Variants in PPP3R1 observed in about 807,000 individuals in gnomAD.
PPP3R1 encodes the protein protein phosphatase 3 regulatory subunit B, alpha.
In PPP3R1, 5 loss-of-function variants were observed where a neutral mutation model predicts 22.6. That is an observed-to-expected ratio of 0.22 (90% confidence interval 0.12 to 0.46). The LOEUF (loss-of-function observed/expected upper bound fraction) is 0.46. Ranked by LOEUF, PPP3R1 falls within the 20% of genes least tolerant of loss-of-function variation. PPP3R1 has a pLI of 0.99. For synonymous variants in PPP3R1, 56 were observed against 65.2 expected (o/e 0.86, Z 0.68); for missense variants, 61 against 203.2 (o/e 0.30, Z 4.25).
chr2:68,243,067 C>G (rs1252623045), intron 1 of PPP3R1, among the ~76,000 whole-genome samples: 1 of 152,004 alleles, frequency 6.6e-6, no homozygotes, highest in African/African-American at 2.4e-5. Flanking sequence ...TTTTGGGATA[C>G]CAACAGGGCT....
intron 2 of PPP3R1, among the ~76,000 whole-genome samples, chr2:68,214,483 C>T (rs1250920133): frequency 1.3e-5 from 2 of 152,146 alleles, no homozygotes; most frequent in African/African-American, 2.4e-5. Context: ...CGAACAGACA[C>T]TTTTCAAAAG....
chr2:68,234,684 C>T (rs562844276), intron 1 of PPP3R1, among the ~76,000 whole-genome samples: 1 of 152,188 alleles, frequency 6.6e-6, no homozygotes, highest in African/African-American at 2.4e-5. Context: ...GGATGAAAAA[C>T]GTGAAATACT....
Position 68,191,043 on chromosome 2 carries a change from T to C in PPP3R1, c.44-2353A>G, listed in dbSNP as rs1403982225. On this transcript the variant is annotated intron_variant, in intron 2 of 5. Transcript: ENST00000234310. ...CTATCCATATTTTTCCCAGATGTGA[T>C]TTCATGGCATCTGAGGTTTTCTAGA... is the stretch of plus-strand genomic sequence containing the variant. Among the ~76,000 whole-genome samples, 7 of 152,366 alleles carry C rather than the reference T, an allele frequency of 4.6e-5. No homozygotes were observed. The East Asian group carries it at 1.2e-3, about 25-fold the overall frequency.
In PPP3R1 at chr2:68,180,883, G is replaced by T; in HGVS notation, c.*80C>A. On this transcript the variant is annotated 3_prime_UTR_variant, in exon 6 of 6. Coordinates refer to ENST00000234310, the MANE Select transcript of PPP3R1 (RefSeq NM_000945.4). ...AAATACTTCCATTTAAATACACAGA[G>T]AGCATTGCTGGACGTCTTGAGCAGA... The T allele has an allele frequency of 7.3e-7, 1 of 1,368,922 alleles. No individual in the cohort carries two copies. Among genetic ancestry groups the T allele is most frequent in the Non-Finnish European group, 1.0e-6 (1 of 967,616 alleles). 84.8% of individuals were successfully genotyped at this position (1,368,922 alleles called of 1,614,324 possible).
At chr2:68,219,710 T>A (rs911725231) in intron 1 of PPP3R1, among the ~76,000 whole-genome samples, 3 of 152,180 alleles carry the variant, frequency 2.0e-5, no homozygotes, top group African/African-American at 4.8e-5. Flanking sequence ...ATAGATACTG[T>A]GAGAGACATA....
rs1222182374 is a variant in PPP3R1, at chr2:68,179,665, C to T, written c.*1298G>A. 1 of 152,092 alleles carries T rather than the reference C, an allele frequency of 6.6e-6. No homozygotes were observed. The highest frequency in any genetic ancestry group is 1.5e-5 in the Non-Finnish European group (1 of 68,018). 9.4% of individuals were successfully genotyped at this position (152,092 alleles called of 1,614,324 possible). On this transcript the variant is annotated 3_prime_UTR_variant, in exon 6 of 6. Coordinates refer to ENST00000234310, the MANE Select transcript of PPP3R1 (RefSeq NM_000945.4). The stretch of plus-strand genomic sequence containing the variant: ...AGAAATGGGAAGGGATAAGATCAAA[C>T]AGTAGAACATGATACACTACTTTTA...
intron 1 of PPP3R1, among the ~76,000 whole-genome samples, chr2:68,217,489 C>T (rs773312267): frequency 6.6e-6 from 1 of 152,046 alleles, no homozygotes; most frequent in Non-Finnish European, 1.5e-5. Context: ...ACTGATTTTG[C>T]AGTAGAGATT....
intron 1 of PPP3R1, among the ~76,000 whole-genome samples, chr2:68,224,429 G>A (rs1488565388): frequency 1.3e-5 from 2 of 152,156 alleles, no homozygotes; most frequent in Admixed American, 6.5e-5. Context: ...GGGAGGCCGA[G>A]GCGAGTGGAT....
chr2:68,187,213 T>A, intron 4 of PPP3R1, 42 bp downstream of exon 4: 1 of 1,432,596 alleles, frequency 7.0e-7, no homozygotes, highest in Non-Finnish European at 9.7e-7. Flanking sequence ...TATGAAATGA[T>A]GGTAGTATAA....
intron 2 of PPP3R1, among the ~76,000 whole-genome samples, chr2:68,207,216 T>G (rs1289621920): frequency 1.2e-5 from 1 of 81,104 alleles, no homozygotes; most frequent in East Asian, 3.6e-4. Flanking sequence ...GTCAGGAAAA[T>G]ATGATAAAAA....
chr2:68,198,036 G>C (rs1479355056), intron 2 of PPP3R1, among the ~76,000 whole-genome samples: 1 of 115,906 alleles, frequency 8.6e-6, no homozygotes, highest in Non-Finnish European at 1.6e-5. Flanking sequence ...TTGTTGAAAA[G>C]GCTCCCTTTA....
intron 5 of PPP3R1, among the ~76,000 whole-genome samples, chr2:68,182,083 C>CCCCCCCCCCCA (rs1674421748): frequency 8.5e-6 from 1 of 117,606 alleles, no homozygotes; most frequent in African/African-American, 3.1e-5. Flanking sequence ...CCCCCCCTCC[C>CCCCCCCCCCCA]CCCACCACAC....
intron 1 of PPP3R1, among the ~76,000 whole-genome samples, chr2:68,232,227 G>GTA (rs1356969680): frequency 1.7e-3 from 57 of 33,894 alleles, no homozygotes; most frequent in Admixed American, 0.013. Flanking sequence ...GTATATATGT[G>GTA]TGTGTGTGTG....
At chr2:68,243,181 T>C (rs540012048) in intron 1 of PPP3R1, among the ~76,000 whole-genome samples, 58 of 152,206 alleles carry the variant, frequency 3.8e-4, no homozygotes, top group Admixed American at 1.4e-3. Context: ...TTTAAATTAT[T>C]AGTGCTAAAT....
chr2:68,234,904 T>C (rs1023773727), intron 1 of PPP3R1, among the ~76,000 whole-genome samples: 1 of 152,152 alleles, frequency 6.6e-6, no homozygotes, highest in Non-Finnish European at 1.5e-5. Context: ...AGATACCATA[T>C]TGACTATGGC....
chr2:68,211,406 C>CAAAAAAAAAA (rs3979551), intron 2 of PPP3R1, among the ~76,000 whole-genome samples: 8 of 77,372 alleles, frequency 1.0e-4, no homozygotes, highest in Admixed American at 1.6e-4. Flanking sequence ...GACTCTGTCT[C>CAAAAAAAAAA]AAAAAAAAAA....
chr2:68,196,392 C>T (rs1674773905), intron 2 of PPP3R1, among the ~76,000 whole-genome samples: 1 of 152,072 alleles, frequency 6.6e-6, no homozygotes, highest in Admixed American at 6.6e-5. Context: ...TTGTTGTGTA[C>T]CAAGTGGAAG....
Position 68,252,275 on chromosome 2 carries a change from G to A in PPP3R1, c.-148C>T, listed in dbSNP as rs1227003929. On this transcript the variant is annotated 5_prime_UTR_variant, in exon 1 of 6. Transcript: ENST00000234310. The stretch of plus-strand genomic sequence containing the variant: ...GCGCGCGTGGGGGAGGGGAGGCGGC[G>A]CCGCGGGGCCCGCGCCGGCCGGGCG... 2.9e-6 allele frequency: 3 copies of A among 1,045,934 alleles called. No individual in the cohort carries two copies. Among genetic ancestry groups the A allele is most frequent in the African/African-American group, 1.7e-5 (1 of 58,422 alleles). 64.8% of individuals were successfully genotyped at this position (1,045,934 alleles called of 1,614,324 possible).
At chr2:68,213,355 AG>A (rs1469887960) in intron 2 of PPP3R1, among the ~76,000 whole-genome samples, 9 of 152,164 alleles carry the variant, frequency 5.9e-5, no homozygotes, top group Admixed American at 2.0e-4. Context: ...GTTATTAACT[AG>A]CCTAATTTCA....
Sources: gnomAD v4.1 joint callset for allele counts (sites outside exome capture counted in the v4.1 genomes callset) on GRCh38, gnomAD v4.1.1 for gene constraint, MANE v1.5 for transcripts, NCBI Gene and HGNC (gene_info 2026-07-23, HGNC 2026-07-21) for gene names.